OSCP1: variants seen among roughly 807,000 people sequenced by gnomAD.
OSCP1 encodes protein OSCP1.
Under a neutral mutation model 45.1 loss-of-function variants are expected in OSCP1, and 35 were observed. That is an observed-to-expected ratio of 0.78 (90% CI 0.59 to 1.03). The LOEUF is 1.03. OSCP1 is among the 50% of genes least tolerant of loss of function. The probability of loss-of-function intolerance (pLI) is 0.00; values close to 1 mark genes in which losing one functional copy is unlikely to be tolerated. For missense variants in OSCP1, 400 were observed against 470.7 expected (o/e 0.85, Z 1.39); for synonymous variants, 179 against 180.1 (o/e 0.99, Z 0.05).
At position 36,422,786 on chromosome 1, in the gene OSCP1, A is replaced by G; in HGVS notation, c.731T>C (p.Leu244Pro). 1 of 1,591,610 alleles carries G rather than the reference A, an allele frequency of 6.3e-7. No individual in the cohort carries two copies. The highest frequency in any genetic ancestry group is 8.6e-7 in the Non-Finnish European group (1 of 1,167,162). ...GSFELYGDRV[L>P]KLGTNMYSVN... is the part of the protein sequence containing the mutation. The stretch of plus-strand genomic sequence containing the variant: ...TGCTTACATGTTAGTTCCCAGTTTC[A>G]GGACTCGGTCTCCATAAAGTTCAAA... Residue 244 changes from leucine (L) to proline (P), a missense_variant, in exon 6 of 10, where the codon CTG becomes CCG. By Grantham distance (98) the Leu-to-Pro change is moderately conservative. Coordinates refer to ENST00000235532, the MANE Select transcript of OSCP1 (RefSeq NM_145047.5).
intron 1 of OSCP1, among the ~76,000 whole-genome samples, chr1:36,439,881 CTGAAA>C (rs774226179): frequency 2.0e-5 from 3 of 152,180 alleles, no homozygotes; most frequent in Non-Finnish European, 4.4e-5. Flanking sequence ...TTTTGCACTA[CTGAAA>C]TGAAATATCA....
chr1:36,438,703 C>A, intron 2 of OSCP1, 53 bp downstream of exon 2: 1 of 1,556,764 alleles, frequency 6.4e-7, no homozygotes, highest in Non-Finnish European at 8.7e-7. Context: ...TATGATCATC[C>A]ACAAAAGGTA....
At chr1:36,427,450 A>G (rs1485060230) in intron 4 of OSCP1, among the ~76,000 whole-genome samples, 1 of 151,774 alleles carries the variant, frequency 6.6e-6, no homozygotes, top group Non-Finnish European at 1.5e-5. Flanking sequence ...GGTATGAGCC[A>G]TCACTCCCAG....
At chr1:36,425,511 G>T (rs1273525776) in intron 4 of OSCP1, among the ~76,000 whole-genome samples, 1 of 152,020 alleles carries the variant, frequency 6.6e-6, no homozygotes, top group Admixed American at 6.6e-5. Context: ...GAGGCGGGAG[G>T]ATCATGAGGT....
intron 1 of OSCP1, among the ~76,000 whole-genome samples, chr1:36,449,835 C>CAAAAAA (rs67376533): frequency 0.026 from 535 of 20,356 alleles, 132 homozygotes; most frequent in African/African-American, 0.054. Flanking sequence ...GACCCTGTCT[C>CAAAAAA]AAAAAAAAAA....
At position 36,447,947 on chromosome 1, in the gene OSCP1, CA is replaced by C. The variant is rs1649645613; in HGVS notation, c.112+2310del. On this transcript the variant is annotated intron_variant, in intron 1 of 9. Coordinates refer to ENST00000235532, the MANE Select transcript of OSCP1 (RefSeq NM_145047.5). This position sits in a 1 kb window ranked among gnomAD's most constrained non-coding sequence, Gnocchi z 4.1. ...TAAAGATGGCCGAAACTCCCAAAACCATATTTAGCAAAAGCAGAAAAAAGGC... is the reference window on the plus strand; with the variant it reads ...TAAAGATGGCCGAAACTCCCAAAACCTATTTAGCAAAAGCAGAAAAAAGGC... 2.2e-6 allele frequency: 1 copy of C among 444,954 alleles called. No homozygotes were observed. The highest frequency in any genetic ancestry group is 4.6e-6 in the Non-Finnish European group (1 of 219,472). 27.6% of individuals were successfully genotyped at this position (444,954 alleles called of 1,614,324 possible).
At chr1:36,425,725 T>C (rs1647923476) in intron 4 of OSCP1, among the ~76,000 whole-genome samples, 1 of 144,032 alleles carries the variant, frequency 6.9e-6, no homozygotes, top group African/African-American at 2.7e-5. Flanking sequence ...AGAGCAAGAC[T>C]CTATCTGGAA....
intron 2 of OSCP1, among the ~76,000 whole-genome samples, chr1:36,433,098 A>C (rs1170192562): frequency 6.6e-6 from 1 of 152,234 alleles, no homozygotes; most frequent in Non-Finnish European, 1.5e-5. Context: ...GCAAGCATAG[A>C]GTTCTACAAC....
chr1:36,440,406 G>A (rs749582506), intron 1 of OSCP1, among the ~76,000 whole-genome samples: 12 of 152,188 alleles, frequency 7.9e-5, no homozygotes, highest in Non-Finnish European at 1.6e-4. Flanking sequence ...CACCCCCGGT[G>A]ACACAAATGA....
intron 4 of OSCP1, chr1:36,428,411 A>T: frequency 1.2e-6 from 2 of 1,613,828 alleles, no homozygotes; most frequent in East Asian, 4.5e-5. Context: ...ATAGTTCCCC[A>T]CTCCTGGAAG....
At chr1:36,428,309 T>C (rs747078534) in intron 4 of OSCP1, 3 of 1,609,620 alleles carry the variant, frequency 1.9e-6, no homozygotes, top group Middle Eastern at 1.6e-4. Flanking sequence ...TTTCTTCCCC[T>C]TTTTAAAATT....
At chr1:36,449,779 G>C (rs1188892073) in intron 1 of OSCP1, among the ~76,000 whole-genome samples, 1 of 130,416 alleles carries the variant, frequency 7.7e-6, no homozygotes, top group African/African-American at 2.8e-5. Flanking sequence ...AGAGGTTGCA[G>C]TGAGCCGAGA....
At position 36,432,477 on chromosome 1, in the gene OSCP1, C is replaced by G; in HGVS notation, c.380G>C (p.Arg127Pro). 3.7e-6 allele frequency: 6 copies of G among 1,614,082 alleles called. No individual in the cohort carries two copies. The highest frequency in any genetic ancestry group is 5.1e-6 in the Non-Finnish European group (6 of 1,180,004). ...TTGCTGCAGGATGGTTGGGGAGTCT[C>G]GGATGAATCCCTTGATGGTATCCAA... Reference protein sequence around the residue: ...NHLDTIKGFIRDSPTILQQVD... With the variant: ...NHLDTIKGFIPDSPTILQQVD... The change falls in exon 3 of 10, where the codon CGA becomes CCA. Residue 127 changes from arginine (R) to proline (P), a missense_variant. Physicochemically the swap from Arg to Pro is moderately radical, Grantham distance 103 (BLOSUM62 -2). Coordinates refer to ENST00000235532, the MANE Select transcript of OSCP1 (RefSeq NM_145047.5).
intron 2 of OSCP1, among the ~76,000 whole-genome samples, chr1:36,435,647 T>C (rs978139532): frequency 2.0e-4 from 31 of 152,042 alleles, no homozygotes; most frequent in African/African-American, 7.5e-4. Context: ...TTTTTTTTGT[T>C]TTGAGACAGA....
intron 2 of OSCP1, among the ~76,000 whole-genome samples, chr1:36,435,091 C>CTTTTTTTTTTTT (rs201268337): frequency 3.7e-4 from 46 of 125,716 alleles, no homozygotes; most frequent in Non-Finnish European, 5.5e-4. Flanking sequence ...TTTTCTTTTT[C>CTTTTTTTTTTTT]TTTTTTTTTT....
intron 2 of OSCP1, among the ~76,000 whole-genome samples, chr1:36,436,430 A>G (rs1648747488): frequency 6.6e-6 from 1 of 152,098 alleles, no homozygotes; most frequent in African/African-American, 2.4e-5. Flanking sequence ...TTTTAGAGAC[A>G]GGGTCTTGCT....
At chr1:36,437,918 T>C (rs1648857800) in intron 2 of OSCP1, among the ~76,000 whole-genome samples, 1 of 152,144 alleles carries the variant, frequency 6.6e-6, no homozygotes, top group African/African-American at 2.4e-5. Context: ...CCCACACCTG[T>C]AATCCTAGCA....
At chr1:36,439,000 G>T in intron 1 of OSCP1, 90 bp from the exon 2 acceptor site, 1 of 1,417,548 alleles carries the variant, frequency 7.1e-7, no homozygotes, top group Non-Finnish European at 9.7e-7. Context: ...GGAGCTGAGC[G>T]TGTACAGTAC....
chr1:36,427,913 C>T (rs1421952136), intron 4 of OSCP1, among the ~76,000 whole-genome samples: 1 of 151,986 alleles, frequency 6.6e-6, no homozygotes, highest in Admixed American at 6.6e-5. Context: ...TAAGGCCGGG[C>T]GCTGTGGCTC....
Sources: gnomAD v4.1 joint callset for allele counts (sites outside exome capture counted in the v4.1 genomes callset) on GRCh38, gnomAD v4.1.1 for gene constraint, Gnocchi (gnomAD v3.1) non-coding constraint, MANE v1.5 for transcripts, NCBI Gene and HGNC (gene_info 2026-07-23, HGNC 2026-07-21) for gene names.